Variants in PCDH9 observed in about 807,000 individuals in gnomAD.
The protein encoded by PCDH9 is protocadherin-9.
A neutral mutation model predicts 70.6 loss-of-function variants in PCDH9; 24 were observed. That is an observed-to-expected ratio of 0.34 (90% confidence interval 0.25 to 0.48). The LOEUF (loss-of-function observed/expected upper bound fraction) is 0.48, where lower values mean the gene tolerates loss of function less well. Among genes scored for constraint, PCDH9 ranks in the 20% least tolerant of loss-of-function variants. The pLI is 0.99. For synonymous variants in PCDH9, 562 were observed against 558.5 expected (o/e 1.01, Z -0.09); for missense variants, 1,281 against 1,503.6 (o/e 0.85, Z 2.45).
chr13:66,712,272 T>A (rs552529927), intron 3 of PCDH9, among the ~76,000 whole-genome samples: 5 of 152,118 alleles, frequency 3.3e-5, no homozygotes, highest in Non-Finnish European at 1.5e-5. Flanking sequence ...ATTTGTCAGC[T>A]TACATTGAAT....
At chr13:66,481,968 AATC>A (rs1958849301) in intron 4 of PCDH9, among the ~76,000 whole-genome samples, 5 of 150,598 alleles carry the variant, frequency 3.3e-5, no homozygotes, top group African/African-American at 1.2e-4. Flanking sequence ...ACACACACAA[AATC>A]AATCAATCAA....
chr13:67,214,935 G>GATATATAGATATAT (rs2089556929), intron 2 of PCDH9: 1 of 89,248 alleles, frequency 1.1e-5, no homozygotes, highest in Non-Finnish European at 2.4e-5. Flanking sequence ...TTGCGAGCCA[G>GATATATAGATATAT]ATATATATAT....
intron 2 of PCDH9, among the ~76,000 whole-genome samples, chr13:67,152,917 C>T (rs1210592409): frequency 2.0e-5 from 3 of 152,090 alleles, no homozygotes; most frequent in African/African-American, 7.2e-5. Flanking sequence ...ACAATGTTTT[C>T]TTTCTAAAAC....
chr13:67,119,413 A>G (rs2086837010), intron 2 of PCDH9, among the ~76,000 whole-genome samples: 1 of 152,140 alleles, frequency 6.6e-6, no homozygotes, highest in African/African-American at 2.4e-5. Flanking sequence ...TTTCATTTCA[A>G]TTTTACTTTC....
intron 3 of PCDH9, among the ~76,000 whole-genome samples, chr13:66,800,156 T>C (rs1319042485): frequency 6.6e-6 from 1 of 152,180 alleles, no homozygotes; most frequent in Non-Finnish European, 1.5e-5. Context: ...ATTTCCCAGA[T>C]GTTGCAATCC....
chr13:67,102,437 T>C (rs1237031654), intron 2 of PCDH9, among the ~76,000 whole-genome samples: 1 of 152,166 alleles, frequency 6.6e-6, no homozygotes, highest in Admixed American at 6.5e-5. Context: ...TCCAGACATA[T>C]TAATGTTGCT....
At chr13:66,944,115 A>T (rs2083050238) in intron 2 of PCDH9, among the ~76,000 whole-genome samples, 1 of 152,152 alleles carries the variant, frequency 6.6e-6, no homozygotes, top group East Asian at 1.9e-4. Flanking sequence ...TGCAAGGCAT[A>T]TGTAGATTAT....
intron 4 of PCDH9, among the ~76,000 whole-genome samples, chr13:66,381,329 C>T (rs972585210): frequency 2.6e-5 from 4 of 152,262 alleles, no homozygotes; most frequent in Non-Finnish European, 2.9e-5. Context: ...GCATCCATTT[C>T]CTCATTTTAT....
chr13:67,137,922 T>G (rs1927815), intron 2 of PCDH9, among the ~76,000 whole-genome samples: 98,707 of 151,938 alleles, frequency 0.65, 32,343 homozygotes, highest in East Asian at 0.82. Context: ...TTTCTAAAAA[T>G]TTTTGAAGCT....
Position 66,706,673 on chromosome 13 carries a change from A to G in PCDH9, c.3139-75262T>C, listed in dbSNP as rs372643211. Among the ~76,000 whole-genome samples, 64 of 152,344 alleles carry G rather than the reference A, an allele frequency of 4.2e-4. 1 individual carries two copies. In the South Asian group the frequency reaches 0.013, roughly 31 times the overall value. ...AAACAGATCAGAAATTGTGACTGAG[A>G]AGCTAAGAGGGGAAGGCTATGAAAG... On this transcript the variant is annotated intron_variant, in intron 3 of 4. Transcript: ENST00000377865.
At chr13:67,048,032 C>T (rs2085255689) in intron 2 of PCDH9, among the ~76,000 whole-genome samples, 2 of 152,260 alleles carry the variant, frequency 1.3e-5, no homozygotes, top group Non-Finnish European at 1.5e-5. Flanking sequence ...AATGTTCCTG[C>T]TATGTCTGCC....
At chr13:67,197,429 T>C (rs1279321867) in intron 2 of PCDH9, among the ~76,000 whole-genome samples, 1 of 152,016 alleles carries the variant, frequency 6.6e-6, no homozygotes, top group African/African-American at 2.4e-5. Context: ...TTCTTTTTAT[T>C]TGAAATACTC....
chr13:66,569,206 C>T (rs185146816), intron 4 of PCDH9, among the ~76,000 whole-genome samples: 26 of 148,740 alleles, frequency 1.7e-4, no homozygotes, highest in African/African-American at 4.9e-4. Context: ...TTAGCAGAGA[C>T]GGGGTTTCAC....
intron 2 of PCDH9, among the ~76,000 whole-genome samples, chr13:67,033,259 G>T (rs260148): frequency 0.58 from 88,175 of 151,820 alleles, 26,231 homozygotes; most frequent in East Asian, 0.95. Context: ...AGTGCTCTGG[G>T]TCACTGCAGA....
intron 2 of PCDH9, among the ~76,000 whole-genome samples, chr13:66,929,989 A>G (rs1489274782): frequency 6.6e-6 from 1 of 152,166 alleles, no homozygotes; most frequent in Non-Finnish European, 1.5e-5. Flanking sequence ...TATCCGGTTA[A>G]ACAGAGAATT....
At chr13:66,892,631 T>C (rs1338459293) in intron 3 of PCDH9, among the ~76,000 whole-genome samples, 3 of 152,006 alleles carry the variant, frequency 2.0e-5, no homozygotes, top group Admixed American at 2.0e-4. Context: ...ATAAGACATG[T>C]AAGTCCCTTA....
At chr13:66,676,923 A>T (rs2078251075) in intron 3 of PCDH9, among the ~76,000 whole-genome samples, 1 of 152,122 alleles carries the variant, frequency 6.6e-6, no homozygotes, top group Non-Finnish European at 1.5e-5. Flanking sequence ...GTTTTCCTTT[A>T]TATTATAAAA....
intron 4 of PCDH9, among the ~76,000 whole-genome samples, chr13:66,488,755 T>G (rs1305697509): frequency 6.6e-6 from 1 of 152,192 alleles, no homozygotes; most frequent in East Asian, 1.9e-4. Flanking sequence ...AGCTCAATTC[T>G]ATGTGAGAAG....
intron 3 of PCDH9, among the ~76,000 whole-genome samples, chr13:66,860,090 A>G (rs147554525): frequency 6.6e-6 from 1 of 152,332 alleles, no homozygotes; most frequent in South Asian, 2.1e-4. Context: ...AAATGAGGGT[A>G]ATAGAGTCAA....
Sources: gnomAD v4.1 joint callset for allele counts (sites outside exome capture counted in the v4.1 genomes callset) on GRCh38, gnomAD v4.1.1 for gene constraint, MANE v1.5 for transcripts, NCBI Gene and HGNC (gene_info 2026-07-23, HGNC 2026-07-21) for gene names.